The following MCF2L2 variants were observed in gnomAD, a reference collection of about 807,000 sequenced individuals.
MCF2L2 encodes the protein probable guanine nucleotide exchange factor MCF2L2.
A neutral mutation model predicts 150.2 loss-of-function variants in MCF2L2; 102 were observed. That is an observed-to-expected ratio of 0.68 (90% CI 0.58 to 0.80). MCF2L2 has a LOEUF of 0.80. Among genes scored for constraint, MCF2L2 ranks in the 30% least tolerant of loss-of-function variants. The pLI is 0.00. For missense variants in MCF2L2, 1,256 were observed against 1,372.8 expected (o/e 0.91, Z 1.34); for synonymous variants, 465 against 491.3 (o/e 0.95, Z 0.71).
At chr3:183,232,922 T>A (rs561620850) in intron 15 of MCF2L2, among the ~76,000 whole-genome samples, 13 of 152,318 alleles carry the variant, frequency 8.5e-5, no homozygotes, top group Non-Finnish European at 1.6e-4. Flanking sequence ...TTTAGAAACA[T>A]CTCACCCAAA....
rs1560009012 is a variant in MCF2L2 at position 183,300,199 on chromosome 3, G to A, written c.1114-3C>T. The A allele has an allele frequency of 1.3e-6, 2 of 1,599,114 alleles. No individual in the cohort carries two copies. Among genetic ancestry groups the A allele is most frequent in the South Asian group, 1.1e-5 (1 of 88,960 alleles). On this transcript the variant is annotated splice_polypyrimidine_tract_variant and splice_region_variant and intron_variant, in intron 10 of 29. Coordinates refer to ENST00000328913, the MANE Select transcript of MCF2L2 (RefSeq NM_015078.4). ...AGCTGGGCCTTTTCCAGGGGCTCCT[G>A]CAAAGTGAACACCCACAGCCAGGCG...
intron 25 of MCF2L2, among the ~76,000 whole-genome samples, chr3:183,199,621 C>CTT (rs1163310933): frequency 2.0e-4 from 29 of 141,630 alleles, no homozygotes; most frequent in African/African-American, 5.9e-4. Context: ...TTTTTTTTTC[C>CTT]TTTTTTTTTT....
chr3:183,357,762 G>C (rs1560038429), intron 3 of MCF2L2, among the ~76,000 whole-genome samples: 1 of 151,510 alleles, frequency 6.6e-6, no homozygotes. Flanking sequence ...CCAATGCTCT[G>C]CATGGGACCA....
intron 15 of MCF2L2, among the ~76,000 whole-genome samples, chr3:183,239,221 T>G (rs1199036943): frequency 6.6e-6 from 1 of 152,164 alleles, no homozygotes; most frequent in African/African-American, 2.4e-5. Context: ...CCTGCACTAA[T>G]GTACTCTGCG....
At chr3:183,213,076 TA>T (rs1276109314) in intron 22 of MCF2L2, among the ~76,000 whole-genome samples, 1 of 151,872 alleles carries the variant, frequency 6.6e-6, no homozygotes, top group Admixed American at 6.6e-5. Context: ...GAAATAGAAA[TA>T]AAATCCTGGC....
intron 5 of MCF2L2, among the ~76,000 whole-genome samples, chr3:183,325,683 C>CA (rs1453665382): frequency 1.3e-5 from 2 of 152,120 alleles, no homozygotes; most frequent in African/African-American, 2.4e-5. Flanking sequence ...TTGTATTAGG[C>CA]AAAAGTAACC....
At chr3:183,377,385 T>C (rs1164143555) in intron 3 of MCF2L2, 2 of 152,192 alleles carry the variant, frequency 1.3e-5, no homozygotes, top group Admixed American at 1.3e-4. Flanking sequence ...TTCTTTTTTA[T>C]GGCGCATAGT....
intron 25 of MCF2L2, among the ~76,000 whole-genome samples, chr3:183,195,875 T>C (rs1722066509): frequency 6.6e-6 from 1 of 152,186 alleles, no homozygotes; most frequent in Non-Finnish European, 1.5e-5. Context: ...TTTTCAAGGT[T>C]CCTGGGCCCA....
chr3:183,383,361 A>G (rs1713645064), intron 2 of MCF2L2, among the ~76,000 whole-genome samples: 1 of 151,996 alleles, frequency 6.6e-6, no homozygotes, highest in Non-Finnish European at 1.5e-5. Flanking sequence ...CAGCCTCCCA[A>G]GTAGCTGAGA....
At chr3:183,407,699 A>G (rs1283040847) in intron 1 of MCF2L2, among the ~76,000 whole-genome samples, 1 of 152,148 alleles carries the variant, frequency 6.6e-6, no homozygotes, top group Non-Finnish European at 1.5e-5. Flanking sequence ...TGTGTAGTGG[A>G]ATTTTCCTTC....
At chr3:183,338,371 C>T (rs1287022125) in intron 5 of MCF2L2, among the ~76,000 whole-genome samples, 3 of 149,944 alleles carry the variant, frequency 2.0e-5, no homozygotes, top group Admixed American at 6.7e-5. Context: ...CACTTGAACC[C>T]GAGAGGCGAA....
chr3:183,268,376 G>A (rs988567655), intron 15 of MCF2L2, among the ~76,000 whole-genome samples: 5 of 152,182 alleles, frequency 3.3e-5, no homozygotes, highest in Non-Finnish European at 5.9e-5. Context: ...CACGCTGACT[G>A]TAAAGTGGAA....
chr3:183,218,901 T>G (rs2108659344), intron 21 of MCF2L2, among the ~76,000 whole-genome samples: 1 of 152,300 alleles, frequency 6.6e-6, no homozygotes, highest in East Asian at 1.9e-4. Context: ...ATATGACCTG[T>G]GTCCTGAGCT....
chr3:183,379,415 C>T lies in MCF2L2; in HGVS notation c.161-4G>A, dbSNP rs767073103. On this transcript the variant is annotated splice_polypyrimidine_tract_variant and splice_region_variant and intron_variant, in intron 2 of 29. Transcript: ENST00000328913. ...GCGCCATCCTCCCCTCGGCCTCCTG[C>T]AACAAAAACAGGTGGTCAAAATGTT... is the stretch of plus-strand genomic sequence containing the variant. 16 of 1,603,504 alleles carry T rather than the reference C, an allele frequency of 1.0e-5. No individual in the cohort carries two copies. The highest frequency in any genetic ancestry group is 1.4e-5 in the Non-Finnish European group (16 of 1,173,202).
At chr3:183,279,156 A>AACAC (rs374605194) in intron 14 of MCF2L2, among the ~76,000 whole-genome samples, 90 of 150,260 alleles carry the variant, frequency 6.0e-4, no homozygotes, top group African/African-American at 2.0e-3. Context: ...AGAAGTACAT[A>AACAC]ACACACACAC....
chr3:183,290,464 C>T (rs115097994), intron 13 of MCF2L2, among the ~76,000 whole-genome samples: 3,031 of 152,232 alleles, frequency 0.02, 59 homozygotes, highest in East Asian at 0.051. Flanking sequence ...ACCACCCTTG[C>T]ATATGCTGGT....
At chr3:183,202,061 T>C (rs551965124) in intron 25 of MCF2L2, among the ~76,000 whole-genome samples, 4 of 152,260 alleles carry the variant, frequency 2.6e-5, no homozygotes, top group South Asian at 2.1e-4. Context: ...CCTGCAATGA[T>C]AGTGAAAATC....
rs1352445918 is a variant in MCF2L2 at position 183,205,954 on chromosome 3, C to G, written c.2806G>C (p.Ala936Pro). ...RNGLEKYILQ[A>P]ASKEIRDCWF... ...CAGTCTCTGATTTCTTTTGAAGCTG[C>G]CTGCAATCACACATAAGAAAACACT... The change falls in exon 25 of 30, where the codon GCA (alanine) becomes CCA (proline). Residue 936 changes from alanine to proline, a missense_variant and splice_region_variant. By Grantham distance (27) the Ala-to-Pro change is conservative. Coordinates refer to ENST00000328913, the MANE Select transcript of MCF2L2 (RefSeq NM_015078.4). The G allele has an allele frequency of 9.3e-6, 15 of 1,613,040 alleles. No individual in the cohort carries two copies. Among genetic ancestry groups the G allele is most frequent in the Non-Finnish European group, 1.3e-5 (15 of 1,179,048 alleles).
At chr3:183,337,552 CAAAA>C (rs61184812) in intron 5 of MCF2L2, among the ~76,000 whole-genome samples, 1 of 71,996 alleles carries the variant, frequency 1.4e-5, no homozygotes. Flanking sequence ...GACTCCATCT[CAAAA>C]AAAAAAAAAA....
Sources: allele counts gnomAD v4.1 joint callset (sites outside exome capture counted in the v4.1 genomes callset), GRCh38; gene constraint gnomAD v4.1.1; transcripts MANE v1.5; gene names NCBI Gene and HGNC (gene_info 2026-07-23, HGNC 2026-07-21).